The following BRINP3 variants were observed in gnomAD, a reference collection of about 807,000 sequenced individuals.
BRINP3 encodes the protein BMP/retinoic acid-inducible neural-specific protein 3.
BRINP3 carries 19 observed loss-of-function variants against 71.0 expected under a neutral mutation model. That is an observed-to-expected ratio of 0.27 (90% CI 0.19 to 0.39). The LOEUF is 0.39. BRINP3 is among the 10% of genes least tolerant of loss of function. BRINP3 has a pLI of 1.00. For missense variants in BRINP3, 959 were observed against 940.8 expected (o/e 1.02, Z -0.25); for synonymous variants, 380 against 337.7 (o/e 1.13, Z -1.37).
At chr1:190,387,654 G>A (rs546773711) in intron 2 of BRINP3, among the ~76,000 whole-genome samples, 14 of 151,718 alleles carry the variant, frequency 9.2e-5, no homozygotes, top group South Asian at 2.1e-4. Flanking sequence ...CTATTTTTCC[G>A]GTTGCTTTTC....
intron 2 of BRINP3, among the ~76,000 whole-genome samples, chr1:190,428,306 G>T (rs75240620): frequency 0.011 from 1,621 of 151,954 alleles, 35 homozygotes; most frequent in African/African-American, 0.037. Context: ...AGCAACAATA[G>T]AAAACTAATT....
intron 6 of BRINP3, among the ~76,000 whole-genome samples, chr1:190,174,418 ATACACACATATACATG>A (rs1486274266): frequency 6.6e-6 from 1 of 152,154 alleles, no homozygotes; most frequent in African/African-American, 2.4e-5. Context: ...ATACGTATAT[ATACACACATATACATG>A]TACACACATA....
At chr1:190,168,014 A>G (rs1651705737) in intron 6 of BRINP3, among the ~76,000 whole-genome samples, 1 of 152,140 alleles carries the variant, frequency 6.6e-6, no homozygotes, top group Admixed American at 6.6e-5. Flanking sequence ...TTCAATGAAT[A>G]TATAATTACC....
At chr1:190,405,279 G>C (rs2102378396) in intron 2 of BRINP3, among the ~76,000 whole-genome samples, 1 of 151,746 alleles carries the variant, frequency 6.6e-6, no homozygotes, top group East Asian at 1.9e-4. Context: ...GTGAAACCCT[G>C]TCTCTACTAA....
intron 2 of BRINP3, among the ~76,000 whole-genome samples, chr1:190,311,376 A>G (rs1224358666): frequency 6.6e-6 from 1 of 151,682 alleles, no homozygotes; most frequent in Non-Finnish European, 1.5e-5. Flanking sequence ...AATGTTTATG[A>G]AACAAAGATT....
In BRINP3 at chr1:190,299,869, A is replaced by G. The variant is rs111842497; in HGVS notation, c.237-18119T>C. On this transcript the variant is annotated intron_variant, in intron 2 of 7. Transcript: ENST00000367462. The stretch of plus-strand genomic sequence containing the variant: ...AAAATTCTTTTCTTTAAGAATGTTG[A>G]ATATTGGCCCCACTCTCTTCTGGCT... Among the ~76,000 whole-genome samples the G allele has an allele frequency of 3.6e-3, 550 of 152,050 alleles. 4 individuals are homozygous for G. Among genetic ancestry groups the G allele is most frequent in the African/African-American group, 0.013 (522 of 41,480 alleles).
chr1:190,382,830 C>T (rs780978160), intron 2 of BRINP3, among the ~76,000 whole-genome samples: 9 of 152,210 alleles, frequency 5.9e-5, no homozygotes, highest in East Asian at 1.9e-4. Flanking sequence ...TGCCTAGTTA[C>T]GAGCCTAGAA....
intron 6 of BRINP3, among the ~76,000 whole-genome samples, chr1:190,161,311 T>G (rs1650919687): frequency 6.6e-6 from 1 of 151,878 alleles, no homozygotes; most frequent in African/African-American, 2.4e-5. Flanking sequence ...TTCAGAAATT[T>G]TTATTAAATC....
At chr1:190,108,325 G>A (rs1652364429) in intron 7 of BRINP3, among the ~76,000 whole-genome samples, 1 of 151,716 alleles carries the variant, frequency 6.6e-6, no homozygotes, top group Non-Finnish European at 1.5e-5. Flanking sequence ...TACCTTTTAT[G>A]AGCATAAGCA....
chr1:190,215,205 A>G (rs1656308257), intron 6 of BRINP3, among the ~76,000 whole-genome samples: 1 of 151,778 alleles, frequency 6.6e-6, no homozygotes, highest in Non-Finnish European at 1.5e-5. Context: ...CGATCTTCAT[A>G]GACATGGAAA....
chr1:190,350,707 G>C (rs1047295388), intron 2 of BRINP3, among the ~76,000 whole-genome samples: 2 of 151,844 alleles, frequency 1.3e-5, no homozygotes, highest in African/African-American at 2.4e-5. Context: ...ATTTGGGTCT[G>C]TATAACCCAA....
intron 2 of BRINP3, among the ~76,000 whole-genome samples, chr1:190,286,219 T>C (rs1663416221): frequency 6.6e-6 from 1 of 152,192 alleles, no homozygotes; most frequent in East Asian, 1.9e-4. Context: ...TCATCTACTA[T>C]GTATGTCCAT....
intron 7 of BRINP3, among the ~76,000 whole-genome samples, chr1:190,142,619 TTC>T (rs1655549928): frequency 6.6e-6 from 1 of 152,156 alleles, no homozygotes; most frequent in Non-Finnish European, 1.5e-5. Context: ...CAATTTAATT[TTC>T]TTTTTTTCTT....
chr1:190,367,312 C>T (rs1669570599), intron 2 of BRINP3, among the ~76,000 whole-genome samples: 1 of 152,148 alleles, frequency 6.6e-6, no homozygotes, highest in African/African-American at 2.4e-5. Context: ...CTACCTGTAC[C>T]TTGACCCCTT....
At chr1:190,198,671 C>T (rs1448163549) in intron 6 of BRINP3, among the ~76,000 whole-genome samples, 2 of 152,146 alleles carry the variant, frequency 1.3e-5, no homozygotes, top group Non-Finnish European at 2.9e-5. Context: ...TCAAGAGTCA[C>T]CTTTGCTCAA....
At chr1:190,267,141 T>C (rs1661729827) in intron 3 of BRINP3, among the ~76,000 whole-genome samples, 1 of 152,136 alleles carries the variant, frequency 6.6e-6, no homozygotes, top group Non-Finnish European at 1.5e-5. Flanking sequence ...AACCTCAAAA[T>C]AAGGTAGATC....
At chr1:190,168,209 G>GTATA (rs10599869) in intron 6 of BRINP3, among the ~76,000 whole-genome samples, 9 of 144,582 alleles carry the variant, frequency 6.2e-5, no homozygotes, top group South Asian at 2.3e-4. Flanking sequence ...TATTTAATTT[G>GTATA]TATATATATA....
chr1:190,173,907 C>T (rs1652254064), intron 6 of BRINP3, among the ~76,000 whole-genome samples: 1 of 152,122 alleles, frequency 6.6e-6, no homozygotes, highest in Non-Finnish European at 1.5e-5. Context: ...ATTCAATTTT[C>T]CACAGTATTA....
chr1:190,326,287 G>A (rs1366209972), intron 2 of BRINP3, among the ~76,000 whole-genome samples: 1 of 152,094 alleles, frequency 6.6e-6, no homozygotes, highest in East Asian at 1.9e-4. Context: ...ATGGAGTTAT[G>A]TAAAGTGACC....
Sources: allele counts gnomAD v4.1 joint callset (sites outside exome capture counted in the v4.1 genomes callset), GRCh38; gene constraint gnomAD v4.1.1; transcripts MANE v1.5; gene names NCBI Gene and HGNC (gene_info 2026-07-23, HGNC 2026-07-21).